ZBTB48: variants seen among roughly 807,000 people sequenced by gnomAD.
ZBTB48 encodes zinc finger and BTB domain-containing protein 48.
ZBTB48 carries 35 observed loss-of-function variants against 64.5 expected under a neutral mutation model. That is an observed-to-expected ratio of 0.54 (90% CI 0.41 to 0.72). ZBTB48 has a LOEUF of 0.72. ZBTB48 is among the 30% of genes least tolerant of loss of function. ZBTB48 has a pLI of 0.00. For synonymous variants in ZBTB48, 442 were observed against 356.7 expected, an observed-to-expected ratio of 1.24 and a Z score of -2.70; for missense variants, 828 against 895.3, an observed-to-expected ratio of 0.92 and a Z score of 0.96.
intron 3 of ZBTB48, chr1:6,585,717 C>A: frequency 1.7e-6 from 1 of 589,272 alleles, no homozygotes; most frequent in Non-Finnish European, 3.0e-6. Flanking sequence ...CCTCTTAGGA[C>A]CTGTGTGAGC....
Position 6,587,556 on chromosome 1 carries a change from C to G in ZBTB48, c.1303C>G (p.Leu435Val). 1 of 1,614,106 alleles carries G rather than the reference C, an allele frequency of 6.2e-7. No homozygotes were observed. The highest frequency in any genetic ancestry group is 2.2e-5 in the East Asian group (1 of 44,882). Residue 435 changes from leucine to valine, a missense_variant, in exon 7 of 11, where the codon CTG becomes GTG. Coordinates refer to ENST00000377674, the MANE Select transcript of ZBTB48 (RefSeq NM_005341.4). ...AGCTTTCAAGCACCGTGGTGAGAAG[C>G]TGTTTGTGTGTGAGGAGTGTGGGCA... ...HEAFKHRGEKLFVCEECGHRA... is the reference protein window; with the variant it reads ...HEAFKHRGEKVFVCEECGHRA...
chr1:6,582,938 G>A (rs920398236), intron 3 of ZBTB48, among the ~76,000 whole-genome samples: 2 of 152,238 alleles, frequency 1.3e-5, no homozygotes, highest in Non-Finnish European at 2.9e-5. Flanking sequence ...CCAAAGTGCT[G>A]GAATTATAGG....
Position 6,581,065 on chromosome 1 carries a change from A to G in ZBTB48, c.456A>G (p.Glu152=). 6.2e-7 allele frequency: 1 copy of G among 1,613,204 alleles called. No homozygotes were observed. Among genetic ancestry groups the G allele is most frequent in the South Asian group, 1.1e-5 (1 of 91,082 alleles). ...AGCCGGCAGGCTTGGAAGAAGAGGAAGTTTCGAGGACTCTGGGTCTAGTCC... is the reference window on the plus strand; with the variant it reads ...AGCCGGCAGGCTTGGAAGAAGAGGAGGTTTCGAGGACTCTGGGTCTAGTCC... ...VKEPAGLEEE[E]VSRTLGLVPR... The change falls in exon 2 of 11, where the codon GAA becomes GAG. Residue 152 remains glutamate (E), a synonymous_variant. Transcript: ENST00000377674.
At position 6,580,015 on chromosome 1, in the gene ZBTB48, C is replaced by T. The variant is rs1037270853; in HGVS notation, c.-191C>T. 3.4e-5 allele frequency: 7 copies of T among 202,972 alleles called. No individual in the cohort carries two copies. The highest frequency in any genetic ancestry group is 3.2e-4 in the Admixed American group (6 of 19,008). 12.6% of individuals were successfully genotyped at this position (202,972 alleles called of 1,614,324 possible). On this transcript the variant is annotated 5_prime_UTR_variant, in exon 1 of 11. Coordinates refer to ENST00000377674, the MANE Select transcript of ZBTB48 (RefSeq NM_005341.4). This position sits in a 1 kb window ranked among gnomAD's most constrained non-coding sequence, Gnocchi z 5.2. ...CTGCACGCTTTGACGTCACGTCCGG[C>T]GCGGAGACGGTGGAGTCTCCGCACT...
Position 6,584,685 on chromosome 1 carries a change from T to C in ZBTB48, c.933-1234T>C, listed in dbSNP as rs1019250081. Among the ~76,000 whole-genome samples, 2 of 152,200 alleles carry C rather than the reference T, an allele frequency of 1.3e-5. No individual in the cohort carries two copies. Among genetic ancestry groups the C allele is most frequent in the African/African-American group, 4.8e-5 (2 of 41,444 alleles). ...CAAGTACTCTGCTGGGGTAAGACTC[T>C]GGGGCAGTTTCCATCCCTTCCTTGG... On this transcript the variant is annotated intron_variant, in intron 3 of 10. Coordinates refer to ENST00000377674, the MANE Select transcript of ZBTB48 (RefSeq NM_005341.4). This position sits in a 1 kb window ranked among gnomAD's most constrained non-coding sequence, Gnocchi z 4.5.
rs779999711 is a variant in ZBTB48, at chr1:6,580,594, C to G, written c.-16C>G. ...GCTGGCCGGGGTGTCACTTCTGCCT[C>G]CCTGCCCTCCAGACCATGGACGGCT... On this transcript the variant is annotated 5_prime_UTR_variant, in exon 2 of 11. Coordinates refer to ENST00000377674, the MANE Select transcript of ZBTB48 (RefSeq NM_005341.4). The surrounding 1 kb of genome is among the most constrained non-coding windows in gnomAD (Gnocchi z 5.2). 10 of 1,598,980 alleles carry G rather than the reference C, an allele frequency of 6.3e-6. No individual in the cohort carries two copies. Among genetic ancestry groups the G allele is most frequent in the Admixed American group, 3.4e-5 (2 of 59,348 alleles).
chr1:6,589,226 C>T lies in ZBTB48; in HGVS notation c.*14C>T, dbSNP rs751052471. 2.0e-6 allele frequency: 3 copies of T among 1,495,200 alleles called. No individual in the cohort carries two copies. Among genetic ancestry groups the T allele is most frequent in the African/African-American group, 1.4e-5 (1 of 71,454 alleles). The allele number at this position is 1,495,200 out of a possible 1,614,324, so 92.6% of individuals were successfully genotyped here. A position where few individuals can be genotyped will look rare whatever the true frequency, so the allele number is the denominator to read the frequency against. On this transcript the variant is annotated 3_prime_UTR_variant, in exon 11 of 11. Transcript: ENST00000377674. Reference sequence around the variant, plus strand: ...TGTGACACATAGCCCATTCTGGCCACCAGAGCCCACTTGGCCCCACCCCTC... The same window carrying T: ...TGTGACACATAGCCCATTCTGGCCATCAGAGCCCACTTGGCCCCACCCCTC...
Position 6,580,028 on chromosome 1 carries a change from G to C in ZBTB48, c.-178G>C, listed in dbSNP as rs929681462. ...CGTCACGTCCGGCGCGGAGACGGTG[G>C]AGTCTCCGCACTGTCGGCGGGGTAC... On this transcript the variant is annotated 5_prime_UTR_variant, in exon 1 of 11. Coordinates refer to ENST00000377674, the MANE Select transcript of ZBTB48 (RefSeq NM_005341.4). The surrounding 1 kb of genome is among the most constrained non-coding windows in gnomAD (Gnocchi z 5.2). 4.9e-6 allele frequency: 1 copy of C among 204,218 alleles called. No homozygotes were observed. Among genetic ancestry groups the C allele is most frequent in the East Asian group, 1.3e-4 (1 of 7,960 alleles). 12.7% of individuals were successfully genotyped at this position (204,218 alleles called of 1,614,324 possible). A position where few individuals can be genotyped will look rare whatever the true frequency, so the allele number is the denominator to read the frequency against.
In ZBTB48 at chr1:6,587,284, C is replaced by T. The variant is rs1363973072; in HGVS notation, c.1217C>T (p.Pro406Leu). 2 of 1,614,068 alleles carry T rather than the reference C, an allele frequency of 1.2e-6. No individual in the cohort carries two copies. Among genetic ancestry groups the T allele is most frequent in the East Asian group, 2.2e-5 (1 of 44,872 alleles). Residue 406 changes from proline to leucine, a missense_variant, in exon 6 of 11, where the codon CCC (proline) becomes CTC (leucine). Coordinates refer to ENST00000377674, the MANE Select transcript of ZBTB48 (RefSeq NM_005341.4). ...ATCAAACTTCATGGAGCCCCCAAGC[C>T]CCATGCAGTAAGTGACAGGGAGGGC... Reference protein sequence around the residue: ...HMIKLHGAPKPHACPTCAKCF... With the variant: ...HMIKLHGAPKLHACPTCAKCF...
chr1:6,588,443 G>A lies in ZBTB48; in HGVS notation c.1681+1G>A. ...CAGATATGCGGCAAGACCTTCAAAG[G>A]TACCTGGGCGGCCCTGGGAGAGCCA... On this transcript the variant is annotated splice_donor_variant, in intron 9 of 10. Coordinates refer to ENST00000377674, the MANE Select transcript of ZBTB48 (RefSeq NM_005341.4). LOFTEE classifies it high-confidence loss of function. 6.6e-7 allele frequency: 1 copy of A among 1,520,592 alleles called. No individual in the cohort carries two copies. Among genetic ancestry groups the A allele is most frequent in the African/African-American group, 1.4e-5 (1 of 72,058 alleles). 94.2% of individuals were successfully genotyped at this position (1,520,592 alleles called of 1,614,324 possible).
intron 3 of ZBTB48, 89 bp from the exon 4 acceptor site, chr1:6,585,830 C>T: frequency 8.0e-7 from 1 of 1,251,218 alleles, no homozygotes; most frequent in Non-Finnish European, 1.2e-6. Flanking sequence ...AACACTTGTT[C>T]CCCTTAGAAG....
rs549662313 is a variant in ZBTB48 at position 6,588,288 on chromosome 1, C to G, written c.1527C>G (p.Asp509Glu). 4.4e-6 allele frequency: 7 copies of G among 1,608,014 alleles called. No homozygotes were observed. The South Asian group carries it at 5.5e-5, about 13-fold the overall frequency. ...GCCTTGTGCCTGCAGCCAGCCTGGA[C>G]AAGCACAACCGCACCCACACCGGGG... Reference protein sequence around the residue: ...GKTFRTQASLDKHNRTHTGER... With the variant: ...GKTFRTQASLEKHNRTHTGER... The change falls in exon 9 of 11, where the codon GAC becomes GAG. Residue 509 changes from aspartate to glutamate, a missense_variant. Coordinates refer to ENST00000377674, the MANE Select transcript of ZBTB48 (RefSeq NM_005341.4).
rs186204044 is a variant in ZBTB48, at chr1:6,587,389, G to C, written c.1225-89G>C. On this transcript the variant is annotated intron_variant, in intron 6 of 10. Coordinates refer to ENST00000377674, the MANE Select transcript of ZBTB48 (RefSeq NM_005341.4). ...GCCGGCCATGTACTTTCTGTTGTTC[G>C]GGGGGGTGCTTGTGGGTCTCCCAGG... 846 of 1,603,654 alleles carry C rather than the reference G, an allele frequency of 5.3e-4. 1 individual carries two copies. The highest frequency in any genetic ancestry group is 3.1e-3 in the Middle Eastern group (17 of 5,542).
At position 6,583,317 on chromosome 1, in the gene ZBTB48, T is replaced by A. The variant is rs541313973; in HGVS notation, c.932+1018T>A. On this transcript the variant is annotated intron_variant, in intron 3 of 10. Transcript: ENST00000377674. Reference sequence around the variant, plus strand: ...GTTGTTTTTCATTTTATTTTATTTTTTTGAGACGGAGTCTCACTCTGTTGC... The same window carrying A: ...GTTGTTTTTCATTTTATTTTATTTTATTGAGACGGAGTCTCACTCTGTTGC... 5.8e-4 allele frequency among the ~76,000 whole-genome samples: 88 copies of A among 151,714 alleles called. 3 individuals carry two copies. In the South Asian group the frequency reaches 0.018, roughly 30 times the overall value.
intron 9 of ZBTB48, 51 bp downstream of exon 9, chr1:6,588,493 G>T: frequency 6.8e-7 from 1 of 1,463,916 alleles, no homozygotes; most frequent in Non-Finnish European, 9.0e-7. Context: ...GAGTTGGAGG[G>T]TCTCTGAGGA....
chr1:6,581,347 G>A (rs1472959803), intron 2 of ZBTB48, 48 bp downstream of exon 2: 6 of 1,516,894 alleles, frequency 4.0e-6, no homozygotes, highest in Non-Finnish European at 5.3e-6. Flanking sequence ...AGAGGGAATA[G>A]ACACTTTTTT....
chr1:6,580,471 A>G lies in ZBTB48; in HGVS notation c.-69-70A>G. ...CCGCGTGCACCCCTCACCCTGACCC[A>G]AGCCCTCGTGCTGATAAATATGATT... is the stretch of plus-strand genomic sequence containing the variant. On this transcript the variant is annotated intron_variant, in intron 1 of 10. Coordinates refer to ENST00000377674, the MANE Select transcript of ZBTB48 (RefSeq NM_005341.4). The surrounding 1 kb of genome is among the most constrained non-coding windows in gnomAD (Gnocchi z 5.2). 1.1e-6 allele frequency: 1 copy of G among 900,380 alleles called. No homozygotes were observed. The highest frequency in any genetic ancestry group is 1.8e-5 in the South Asian group (1 of 56,646). 55.8% of individuals were successfully genotyped at this position (900,380 alleles called of 1,614,324 possible). A position where few individuals can be genotyped will look rare whatever the true frequency, so the allele number is the denominator to read the frequency against.
At chr1:6,587,321 T>G in intron 6 of ZBTB48, 30 bp downstream of exon 6, 1 of 1,613,796 alleles carries the variant, frequency 6.2e-7, no homozygotes, top group Non-Finnish European at 8.5e-7. Context: ...GGGCATGCTT[T>G]GATGCTGGCA....
chr1:6,588,310 G>A lies in ZBTB48; in HGVS notation c.1549G>A (p.Gly517Arg), dbSNP rs1285043529. ...GGACAAGCACAACCGCACCCACACC[G>A]GGGAAAGGCCCTTCAGTTGCGAGTT... is the stretch of plus-strand genomic sequence containing the variant. ...SLDKHNRTHT[G>R]ERPFSCEFCE... is the part of the protein sequence containing the mutation. Residue 517 changes from glycine (G) to arginine (R), a missense_variant, in exon 9 of 11, where the codon GGG (glycine) becomes AGG (arginine). Coordinates refer to ENST00000377674, the MANE Select transcript of ZBTB48 (RefSeq NM_005341.4). 4.4e-6 allele frequency: 7 copies of A among 1,607,762 alleles called. No homozygotes were observed. The highest frequency in any genetic ancestry group is 2.2e-5 in the East Asian group (1 of 44,722).
Sources: gnomAD v4.1 joint callset for allele counts (sites outside exome capture counted in the v4.1 genomes callset) on GRCh38, gnomAD v4.1.1 for gene constraint, Gnocchi (gnomAD v3.1) non-coding constraint, MANE v1.5 for transcripts, NCBI Gene and HGNC (gene_info 2026-07-23, HGNC 2026-07-21) for gene names.